The following PGBD2 variants were observed in gnomAD, a reference collection of about 807,000 sequenced individuals.
The protein encoded by PGBD2 is piggyBac transposable element-derived protein 2.
PGBD2 carries 6 observed loss-of-function variants against 8.1 expected under a neutral mutation model. That is an observed-to-expected ratio of 0.74 (90% CI 0.40 to 1.46). The LOEUF (loss-of-function observed/expected upper bound fraction) is 1.46, where lower values mean the gene tolerates loss of function less well. Ranked by LOEUF, PGBD2 falls within the 40% of genes most tolerant of loss-of-function variation. The pLI is 0.02. For missense variants in PGBD2, 802 were observed against 739.0 expected (o/e 1.09, Z -0.99); for synonymous variants, 318 against 272.2 (o/e 1.17, Z -1.66).
At chr1:248,920,674 G>A (rs529340618), downstream of PGBD2, among the ~76,000 whole-genome samples, 1 of 152,232 alleles carries the variant, frequency 6.6e-6, no homozygotes, top group East Asian at 1.9e-4. Flanking sequence ...TGAGATTGCT[G>A]GGTCAAATGG....
At chr1:248,925,319 G>A in the PGBD2 span, among the ~76,000 whole-genome samples, 1 of 152,202 alleles carries the variant, frequency 6.6e-6, no homozygotes, top group Admixed American at 6.5e-5. Flanking sequence ...CTGTATGGAA[G>A]GGCGGGCAGT....
chr1:248,911,741 C>CAGA (rs1259326732), intron 1 of PGBD2, among the ~76,000 whole-genome samples: 3 of 150,954 alleles, frequency 2.0e-5, no homozygotes, highest in African/African-American at 7.4e-5. Context: ...GCTGGCCGGG[C>CAGA]GGGGGGCTGA....
At chr1:248,874,384 G>A in the PGBD2 span, among the ~76,000 whole-genome samples, 2 of 152,184 alleles carry the variant, frequency 1.3e-5, no homozygotes, top group African/African-American at 2.4e-5. Context: ...AGTCAGCTAT[G>A]ACTTGACTTC....
upstream of PGBD2, among the ~76,000 whole-genome samples, chr1:248,903,095 T>C (rs923741564): frequency 6.6e-6 from 1 of 152,176 alleles, no homozygotes; most frequent in African/African-American, 2.4e-5. Flanking sequence ...ACTTCTGTGC[T>C]CAAATGATCC....
rs545515997 is a variant in PGBD2 at position 248,906,986 on chromosome 1, T to G, written c.-48+644T>G. Among the ~76,000 whole-genome samples, 48 of 151,964 alleles carry G rather than the reference T, an allele frequency of 3.2e-4. 1 individual carries two copies. In the South Asian group the frequency reaches 9.1e-3, roughly 29 times the overall value. On this transcript the variant is annotated intron_variant, in intron 1 of 2. Transcript: ENST00000329291. ...TGGGAGGAGAGACTGAGAAAAGAAA[T>G]AAGACACAGAGACAAAGTATAGAGA...
At chr1:248,874,270 G>T in the PGBD2 span, among the ~76,000 whole-genome samples, 1 of 152,152 alleles carries the variant, frequency 6.6e-6, no homozygotes, top group Non-Finnish European at 1.5e-5. Flanking sequence ...TAGTGGTTAG[G>T]ATTCGGCGCT....
intron 1 of PGBD2, among the ~76,000 whole-genome samples, chr1:248,908,587 C>T (rs954911982): frequency 1.3e-5 from 2 of 152,164 alleles, no homozygotes; most frequent in East Asian, 3.8e-4. Context: ...TGTCCATCTC[C>T]CTGCATCTAT....
At chr1:248,875,415 C>A in the PGBD2 span, among the ~76,000 whole-genome samples, 1 of 151,892 alleles carries the variant, frequency 6.6e-6, no homozygotes, top group African/African-American at 2.4e-5. Flanking sequence ...CCATGTCACA[C>A]CTAAGAAAAT....
At chr1:248,887,302 ATCT>A in the PGBD2 span, among the ~76,000 whole-genome samples, 2 of 152,174 alleles carry the variant, frequency 1.3e-5, no homozygotes, top group African/African-American at 2.4e-5. Context: ...TGATTGACAC[ATCT>A]TCTTAATCTC....
At chr1:248,916,192 T>A (rs1662090278) in intron 2 of PGBD2, among the ~76,000 whole-genome samples, 1 of 152,100 alleles carries the variant, frequency 6.6e-6, no homozygotes, top group South Asian at 2.1e-4. Context: ...GGCAGGTGGA[T>A]CACGAGGTCA....
the PGBD2 span, among the ~76,000 whole-genome samples, chr1:248,884,940 T>A: frequency 6.6e-6 from 1 of 152,218 alleles, no homozygotes; most frequent in Non-Finnish European, 1.5e-5. Context: ...GTCAGTCTTA[T>A]GATCTCTATT....
At chr1:248,915,618 C>T (rs954003851) in intron 2 of PGBD2, among the ~76,000 whole-genome samples, 4 of 152,148 alleles carry the variant, frequency 2.6e-5, no homozygotes, top group East Asian at 1.9e-4. Flanking sequence ...GATTGTAAGT[C>T]GAGGAGCACC....
rs923865743 is a variant in PGBD2 at position 248,918,933 on chromosome 1, T to TA, written c.*578dup. The TA allele has an allele frequency of 4.2e-5, 7 of 166,860 alleles. No homozygotes were observed. Among genetic ancestry groups the TA allele is most frequent in the African/African-American group, 1.2e-4 (5 of 41,366 alleles). 10.3% of individuals were successfully genotyped at this position (166,860 alleles called of 1,614,324 possible). On this transcript the variant is annotated 3_prime_UTR_variant, in exon 3 of 3. Transcript: ENST00000329291. ...TATATCAATGTGAGATTCATTTTTG[T>TA]AAAAAAAATTATTTTTTTAATTTTG...
At chr1:248,920,239 GC>G (rs1356243366), downstream of PGBD2, among the ~76,000 whole-genome samples, 1 of 152,056 alleles carries the variant, frequency 6.6e-6, no homozygotes, top group South Asian at 2.1e-4. Context: ...ATGGTGGCTT[GC>G]TGCACCCATC....
At chr1:248,904,139 C>T (rs768680195), upstream of PGBD2, among the ~76,000 whole-genome samples, 1 of 151,892 alleles carries the variant, frequency 6.6e-6, no homozygotes, top group Non-Finnish European at 1.5e-5. Context: ...GGCTGCAAGG[C>T]TTTTATGAAA....
chr1:248,928,668 A>G, the PGBD2 span, among the ~76,000 whole-genome samples: 3 of 152,158 alleles, frequency 2.0e-5, no homozygotes, highest in African/African-American at 7.2e-5. Context: ...TGCATGAATA[A>G]TTTGTTTCCA....
upstream of PGBD2, among the ~76,000 whole-genome samples, chr1:248,905,971 G>C (rs1661618311): frequency 6.6e-6 from 1 of 152,058 alleles, no homozygotes; most frequent in South Asian, 2.1e-4. Flanking sequence ...CACTACCCTA[G>C]AAAGTCCCCA....
the PGBD2 span, among the ~76,000 whole-genome samples, chr1:248,898,644 C>A: frequency 6.6e-6 from 1 of 152,184 alleles, no homozygotes; most frequent in Admixed American, 6.5e-5. Context: ...TTACCAGCCA[C>A]TACAAAAACA....
chr1:248,899,037 T>G, the PGBD2 span, among the ~76,000 whole-genome samples: 1 of 152,122 alleles, frequency 6.6e-6, no homozygotes, highest in African/African-American at 2.4e-5. Context: ...AGGGTTCAAT[T>G]AAACAAGAGG....
Sources: gnomAD v4.1 joint callset for allele counts (sites outside exome capture counted in the v4.1 genomes callset) on GRCh38, gnomAD v4.1.1 for gene constraint, MANE v1.5 for transcripts, NCBI Gene and HGNC (gene_info 2026-07-23, HGNC 2026-07-21) for gene names.